AGTPBP1: variants seen among roughly 807,000 people sequenced by gnomAD.
AGTPBP1 encodes the protein cytosolic carboxypeptidase 1.
In AGTPBP1, 70 loss-of-function variants were observed where a neutral mutation model predicts 143.9. The ratio of observed to expected loss-of-function variants is 0.49; its 90% CI spans 0.40 to 0.59. The LOEUF is 0.59. AGTPBP1 is among the 20% of genes least tolerant of loss of function. AGTPBP1 has a pLI of 0.00. For missense variants in AGTPBP1, 1,229 were observed against 1,464.5 expected (o/e 0.84, Z 2.62); for synonymous variants, 463 against 500.2 (o/e 0.93, Z 0.99).
the AGTPBP1 span, chr9:85,770,323 G>A: frequency 1.9e-6 from 3 of 1,607,176 alleles, no homozygotes; most frequent in South Asian, 3.3e-5. Flanking sequence ...AGGGATTGAA[G>A]CTTTGGAAGC....
chr9:85,736,529 A>G (rs541257925), intron 1 of AGTPBP1, among the ~76,000 whole-genome samples: 2 of 152,308 alleles, frequency 1.3e-5, no homozygotes, highest in East Asian at 1.9e-4. Context: ...CTATCTAGCT[A>G]TAATACTTTT....
At chr9:85,688,806 T>C (rs749683638) in intron 3 of AGTPBP1, among the ~76,000 whole-genome samples, 14 of 152,204 alleles carry the variant, frequency 9.2e-5, no homozygotes, top group Non-Finnish European at 1.9e-4. Context: ...ATCATTTAAA[T>C]ACATAAGTAG....
the AGTPBP1 span, among the ~76,000 whole-genome samples, chr9:85,778,760 C>A: frequency 6.6e-6 from 1 of 152,068 alleles, no homozygotes; most frequent in Non-Finnish European, 1.5e-5. Flanking sequence ...ACCACTGGAC[C>A]CCTAGAAATT....
At chr9:85,648,675 G>A (rs1256892489) in intron 11 of AGTPBP1, among the ~76,000 whole-genome samples, 2 of 152,238 alleles carry the variant, frequency 1.3e-5, no homozygotes, top group South Asian at 2.1e-4. Context: ...AGCTGGGCGT[G>A]GTGGCGGGCA....
chr9:85,798,614 C>G, the AGTPBP1 span, among the ~76,000 whole-genome samples: 2 of 152,188 alleles, frequency 1.3e-5, no homozygotes, highest in Admixed American at 1.3e-4. Flanking sequence ...GTGACCCACC[C>G]ACCTTGGCCT....
At position 85,677,524 on chromosome 9, in the gene AGTPBP1, C is replaced by A; in HGVS notation, c.348G>T (p.Gln116His). The A allele has an allele frequency of 6.9e-6, 11 of 1,602,198 alleles. No individual in the cohort carries two copies. Among genetic ancestry groups the A allele is most frequent in the Non-Finnish European group, 9.4e-6 (11 of 1,174,414 alleles). ...VTKGGSQILL[Q>H]LLMNASKESP... ...ATTCTTTGCTGGCATTCATAAGTAA[C>A]TGCAACAATATTTGTGAACCACCTT... Residue 116 changes from glutamine to histidine, a missense_variant, in exon 6 of 26, where the codon CAG (glutamine) becomes CAT (histidine). Transcript: ENST00000357081.
chr9:85,617,993 A>G (rs1177468236), intron 17 of AGTPBP1, among the ~76,000 whole-genome samples: 1 of 152,236 alleles, frequency 6.6e-6, no homozygotes, highest in Non-Finnish European at 1.5e-5. Flanking sequence ...CAATCCCAGC[A>G]CTTTGGGAAG....
At chr9:85,782,440 G>A in the AGTPBP1 span, among the ~76,000 whole-genome samples, 828 of 152,196 alleles carry the variant, frequency 5.4e-3, 8 homozygotes, top group African/African-American at 0.019. Flanking sequence ...GCTTGAACCC[G>A]GGAGGCAGAG....
intron 2 of AGTPBP1, among the ~76,000 whole-genome samples, chr9:85,705,784 G>A (rs909614149): frequency 1.3e-5 from 2 of 152,000 alleles, no homozygotes; most frequent in South Asian, 2.1e-4. Flanking sequence ...TCCACCTTCC[G>A]GGTTCACGCT....
chr9:85,750,487 ATGTT>A, the AGTPBP1 span, among the ~76,000 whole-genome samples: 1 of 152,316 alleles, frequency 6.6e-6, no homozygotes, highest in South Asian at 2.1e-4. Context: ...AACTAATCAA[ATGTT>A]CTCTCTGTTC....
At chr9:85,727,055 T>A (rs1235482395) in intron 1 of AGTPBP1, among the ~76,000 whole-genome samples, 1 of 151,984 alleles carries the variant, frequency 6.6e-6, no homozygotes, top group African/African-American at 2.4e-5. Flanking sequence ...TTCGGCCGGG[T>A]GTGGTGGCTC....
At chr9:85,547,372 T>G in intron 25 of AGTPBP1, 86 bp from the exon 26 acceptor site, 1 of 1,136,902 alleles carries the variant, frequency 8.8e-7, no homozygotes, top group Non-Finnish European at 1.2e-6. Flanking sequence ...TGGACTAACT[T>G]TGATTCCAAT....
At chr9:85,595,423 G>T (rs1486664776) in intron 18 of AGTPBP1, among the ~76,000 whole-genome samples, 1 of 152,232 alleles carries the variant, frequency 6.6e-6, no homozygotes, top group Non-Finnish European at 1.5e-5. Flanking sequence ...CAGTAAAAAT[G>T]AGAAGCAAGA....
chr9:85,738,155 C>T (rs1823937645), intron 1 of AGTPBP1, among the ~76,000 whole-genome samples: 1 of 151,822 alleles, frequency 6.6e-6, no homozygotes, highest in Admixed American at 6.6e-5. Context: ...TTTATATTTC[C>T]CTTTTCATTT....
At chr9:85,762,009 C>A in the AGTPBP1 span, among the ~76,000 whole-genome samples, 1 of 152,186 alleles carries the variant, frequency 6.6e-6, no homozygotes, top group African/African-American at 2.4e-5. Context: ...AGCCAACAGA[C>A]ACATGAAAAA....
intron 17 of AGTPBP1, among the ~76,000 whole-genome samples, chr9:85,612,825 C>T (rs975244696): frequency 1.2e-4 from 18 of 151,742 alleles, no homozygotes; most frequent in Admixed American, 3.3e-4. Context: ...AAAATAATCC[C>T]CACACATTTG....
intron 3 of AGTPBP1, among the ~76,000 whole-genome samples, chr9:85,687,332 A>G (rs1333032802): frequency 6.6e-6 from 1 of 152,206 alleles, no homozygotes. Flanking sequence ...CAGAAAATCA[A>G]CAGTGTATAA....
chr9:85,793,999 A>T, the AGTPBP1 span, among the ~76,000 whole-genome samples: 1 of 152,116 alleles, frequency 6.6e-6, no homozygotes, highest in African/African-American at 2.4e-5. Flanking sequence ...TTGCTGATAG[A>T]GTTGAAGACT....
the AGTPBP1 span, among the ~76,000 whole-genome samples, chr9:85,764,254 G>A: frequency 4.0e-5 from 6 of 151,590 alleles, no homozygotes; most frequent in African/African-American, 1.5e-4. Flanking sequence ...CCCCGGTCGG[G>A]TGGGTGTCTC....
Sources: gnomAD v4.1 joint callset for allele counts (sites outside exome capture counted in the v4.1 genomes callset) on GRCh38, gnomAD v4.1.1 for gene constraint, MANE v1.5 for transcripts, NCBI Gene and HGNC (gene_info 2026-07-23, HGNC 2026-07-21) for gene names.